Variants in NRG2 observed in about 807,000 individuals in gnomAD.
NRG2 encodes the protein pro-neuregulin-2, membrane-bound isoform.
A neutral mutation model predicts 73.9 loss-of-function variants in NRG2; 27 were observed. That is an observed-to-expected ratio of 0.37 (90% confidence interval 0.27 to 0.50). The LOEUF (loss-of-function observed/expected upper bound fraction) is 0.50. Ranked by LOEUF, NRG2 falls within the 20% of genes least tolerant of loss-of-function variation. The probability of loss-of-function intolerance (pLI) is 0.96; values close to 1 mark genes in which losing one functional copy is unlikely to be tolerated. For missense variants in NRG2, 1,126 were observed against 1,210.1 expected (o/e 0.93, Z 1.03); for synonymous variants, 532 against 541.0 (o/e 0.98, Z 0.23).
At chr5:139,872,757 C>A (rs1762943954) in intron 3 of NRG2, among the ~76,000 whole-genome samples, 1 of 152,236 alleles carries the variant, frequency 6.6e-6, no homozygotes, top group Non-Finnish European at 1.5e-5. Flanking sequence ...ATGAACATCA[C>A]TGAAGCTCTG....
chr5:139,967,973 A>AT (rs1755667464), intron 1 of NRG2, among the ~76,000 whole-genome samples: 3 of 132,936 alleles, frequency 2.3e-5, no homozygotes, highest in East Asian at 4.8e-4. Context: ...AATAAAACAT[A>AT]AAAATAAATA....
Position 140,042,850 on chromosome 5 carries a change from G to A in NRG2, c.220C>T (p.Arg74Cys). ...EPRPQQQPQP[R>C]SPAARRAAAR... ...GCGGCTCTCCGGGCTGCGGGGCTGC[G>A]GGGCTGCGGCTGTTGCTGCGGCCGC... Residue 74 changes from arginine (R) to cysteine (C), a missense_variant, in exon 1 of 10, where the codon CGC becomes TGC. Arg to Cys is a radical substitution (Grantham distance 180). Coordinates refer to ENST00000361474, the MANE Select transcript of NRG2 (RefSeq NM_004883.3). 1.3e-6 allele frequency: 2 copies of A among 1,496,144 alleles called. No individual in the cohort carries two copies. Among genetic ancestry groups the A allele is most frequent in the South Asian group, 1.3e-5 (1 of 78,650 alleles). The allele number at this position is 1,496,144 out of a possible 1,614,324, so 92.7% of individuals were successfully genotyped here.
At chr5:139,959,488 T>C (rs1392494947) in intron 1 of NRG2, among the ~76,000 whole-genome samples, 2 of 152,252 alleles carry the variant, frequency 1.3e-5, no homozygotes, top group Non-Finnish European at 2.9e-5. Context: ...GCGATTCTCC[T>C]GCCTCAGCCT....
chr5:140,018,779 A>G (rs920270454), intron 1 of NRG2, among the ~76,000 whole-genome samples: 1 of 152,050 alleles, frequency 6.6e-6, no homozygotes, highest in Non-Finnish European at 1.5e-5. Context: ...ACCATCCCCA[A>G]TCCAGATCCT....
intron 1 of NRG2, among the ~76,000 whole-genome samples, chr5:140,040,298 A>G (rs949708472): frequency 2.6e-5 from 4 of 152,024 alleles, no homozygotes; most frequent in African/African-American, 9.7e-5. Context: ...CCCTTCCTTT[A>G]CCAGTGATTG....
chr5:139,881,543 T>C (rs1763527625), intron 2 of NRG2, among the ~76,000 whole-genome samples: 1 of 152,218 alleles, frequency 6.6e-6, no homozygotes, highest in Admixed American at 6.5e-5. Flanking sequence ...GTTTCATTCA[T>C]TCATTCAACA....
intron 5 of NRG2, chr5:139,861,676 G>C (rs189548437): frequency 1.4e-5 from 7 of 499,744 alleles, no homozygotes; most frequent in Admixed American, 2.0e-5. Flanking sequence ...AAAAGTTGCC[G>C]TAAGTACAGT....
At chr5:139,965,321 C>G (rs112674518) in intron 1 of NRG2, among the ~76,000 whole-genome samples, 231 of 152,354 alleles carry the variant, frequency 1.5e-3, no homozygotes, top group African/African-American at 4.7e-3. Context: ...ACTCTCTCAA[C>G]TCCTCCCAAA....
intron 1 of NRG2, among the ~76,000 whole-genome samples, chr5:139,939,204 TTTCCTTCCTTCCTTCCTTCCTTCC>T (rs199952110): frequency 7.7e-4 from 103 of 133,884 alleles, no homozygotes; most frequent in African/African-American, 2.8e-3. Flanking sequence ...CAAAGATTTC[TTTCCTTCCTTCCTTCCTTCCTTCC>T]TTCCTTCCTT....
chr5:139,951,155 T>C (rs1754167813), intron 1 of NRG2, among the ~76,000 whole-genome samples: 1 of 152,240 alleles, frequency 6.6e-6, no homozygotes, highest in Non-Finnish European at 1.5e-5. Flanking sequence ...AAGCCCTGGA[T>C]GCAGACTGAG....
At chr5:139,939,566 C>T (rs1431608679) in intron 1 of NRG2, among the ~76,000 whole-genome samples, 1 of 152,132 alleles carries the variant, frequency 6.6e-6, no homozygotes, top group Non-Finnish European at 1.5e-5. Context: ...TGAGTCACCA[C>T]ATCTGGCCAG....
At chr5:139,875,889 G>A (rs1270113129) in intron 3 of NRG2, among the ~76,000 whole-genome samples, 1 of 152,178 alleles carries the variant, frequency 6.6e-6, no homozygotes, top group Non-Finnish European at 1.5e-5. Context: ...CATTGCTGGT[G>A]GGAATGTAAA....
At chr5:139,859,823 A>G (rs1762034830) in intron 5 of NRG2, 5 of 1,528,180 alleles carry the variant, frequency 3.3e-6, no homozygotes, top group South Asian at 1.2e-5. Context: ...TTCAGCACAC[A>G]TGGCATCGGA....
chr5:140,007,257 A>C (rs777534225), intron 1 of NRG2, among the ~76,000 whole-genome samples: 4 of 152,118 alleles, frequency 2.6e-5, no homozygotes, highest in Non-Finnish European at 5.9e-5. Context: ...CAGGTGGCTC[A>C]AAGATACAGG....
chr5:139,993,731 T>C (rs1005863461), intron 1 of NRG2, among the ~76,000 whole-genome samples: 2 of 152,230 alleles, frequency 1.3e-5, no homozygotes, highest in African/African-American at 4.8e-5. Context: ...ATTTGTTATA[T>C]CAAAATTATA....
chr5:139,994,598 T>G (rs1237146842), intron 1 of NRG2, among the ~76,000 whole-genome samples: 1 of 152,230 alleles, frequency 6.6e-6, no homozygotes, highest in African/African-American at 2.4e-5. Flanking sequence ...TACTACTGAA[T>G]TGTATACTTA....
chr5:139,987,900 G>A (rs766414551), intron 1 of NRG2, among the ~76,000 whole-genome samples: 9 of 149,836 alleles, frequency 6.0e-5, no homozygotes, highest in Non-Finnish European at 1.2e-4. Context: ...TCAGCCTCCC[G>A]AGTAGCTGGG....
At chr5:139,850,791 G>A (rs769153676) in intron 9 of NRG2, among the ~76,000 whole-genome samples, 2 of 152,100 alleles carry the variant, frequency 1.3e-5, no homozygotes, top group Non-Finnish European at 2.9e-5. Flanking sequence ...TTGAACCCTG[G>A]GGTCTTGTTG....
chr5:139,875,558 T>C (rs1374633257), intron 3 of NRG2, among the ~76,000 whole-genome samples: 2 of 152,214 alleles, frequency 1.3e-5, no homozygotes, highest in East Asian at 3.8e-4. Flanking sequence ...ATATCATCTT[T>C]TTGGTAGATT....
Sources: gnomAD v4.1 joint callset for allele counts (sites outside exome capture counted in the v4.1 genomes callset) on GRCh38, gnomAD v4.1.1 for gene constraint, MANE v1.5 for transcripts, NCBI Gene and HGNC (gene_info 2026-07-23, HGNC 2026-07-21) for gene names.